ZFC3H1: variants seen among roughly 807,000 people sequenced by gnomAD.
The protein encoded by ZFC3H1 is zinc finger C3H1-type containing.
A neutral mutation model predicts 243.7 loss-of-function variants in ZFC3H1; 71 were observed. The ratio of observed to expected loss-of-function variants is 0.29; its 90% CI spans 0.24 to 0.36. The LOEUF (loss-of-function observed/expected upper bound fraction) is 0.36. ZFC3H1 is among the 10% of genes least tolerant of loss of function. ZFC3H1 has a pLI of 1.00. For synonymous variants in ZFC3H1, 838 were observed against 813.0 expected, an observed-to-expected ratio of 1.03 and a Z score of -0.52; for missense variants, 1,966 against 2,317.1, an observed-to-expected ratio of 0.85 and a Z score of 3.11.
At position 71,663,662 on chromosome 12, in the gene ZFC3H1, C is replaced by T; in HGVS notation, c.-52G>A. The T allele has an allele frequency of 6.4e-7, 1 of 1,557,882 alleles. No individual in the cohort carries two copies. The highest frequency in any genetic ancestry group is 8.7e-7 in the Non-Finnish European group (1 of 1,151,698). On this transcript the variant is annotated 5_prime_UTR_variant, in exon 1 of 35. Transcript: ENST00000378743. Reference sequence around the variant, plus strand: ...CTTAGCCCTCCGTCCGGGGATCCGCCCGACAATTGCCTCGTTTCCCTTCTT... The same window carrying T: ...CTTAGCCCTCCGTCCGGGGATCCGCTCGACAATTGCCTCGTTTCCCTTCTT...
At chr12:71,614,772 C>G in intron 29 of ZFC3H1, 62 bp downstream of exon 29, 1 of 1,594,370 alleles carries the variant, frequency 6.3e-7, no homozygotes, top group Non-Finnish European at 8.6e-7. Flanking sequence ...GCTGGTCACC[C>G]CTTTCCCGAT....
At position 71,635,435 on chromosome 12, in the gene ZFC3H1, G is replaced by T; in HGVS notation, c.2238+8C>A. On this transcript the variant is annotated splice_region_variant and intron_variant, in intron 10 of 34. Transcript: ENST00000378743. ...ATCTTTCTTTCCACCTTTAATTATT[G>T]CACTTACCTCAGCAGTTCGTCTTGC... 6.4e-7 allele frequency: 1 copy of T among 1,562,936 alleles called. No homozygotes were observed.
At chr12:71,629,206 G>C (rs1380860305) in intron 19 of ZFC3H1, among the ~76,000 whole-genome samples, 169 bp from the exon 20 acceptor site, 1 of 150,524 alleles carries the variant, frequency 6.6e-6, no homozygotes, top group African/African-American at 2.4e-5. Flanking sequence ...ACCCAGGCTG[G>C]AGTGCAGTGA....
At chr12:71,630,487 G>C (rs1592591347) in intron 18 of ZFC3H1, 113 bp downstream of exon 18, 1 of 1,345,634 alleles carries the variant, frequency 7.4e-7, no homozygotes, top group Non-Finnish European at 1.0e-6. Context: ...AAGTATTATG[G>C]GTAAATACAC....
At position 71,610,735 on chromosome 12, in the gene ZFC3H1, G is replaced by C. The variant is rs199727681; in HGVS notation, c.5792C>G (p.Ala1931Gly). The change falls in exon 34 of 35, where the codon GCC becomes GGC. Residue 1931 changes from alanine to glycine, a missense_variant. Ala to Gly is a moderately conservative substitution (Grantham distance 60). Around this residue, in one of 4 missense-constraint regions of ZFC3H1, gnomAD observed 1,383 missense variants for 1,723.7 expected, o/e 0.80. Coordinates refer to ENST00000378743, the MANE Select transcript of ZFC3H1 (RefSeq NM_144982.5). ...TGCACAAAGAGGTAACTTCTGTAAG[G>C]CTCTCTGATATAAACGGTGGACCTG... ...QREVHRLYQR[A>G]LQKLPLCASL... 5 of 1,612,986 alleles carry C rather than the reference G, an allele frequency of 3.1e-6. No homozygotes were observed. The highest frequency in any genetic ancestry group is 1.3e-5 in the African/African-American group (1 of 74,840).
rs747756070 is a variant in ZFC3H1 at position 71,657,025 on chromosome 12, T to C, written c.875A>G (p.Gln292Arg). The C allele has an allele frequency of 7.6e-5, 123 of 1,613,942 alleles. No homozygotes were observed. Among genetic ancestry groups the C allele is most frequent in the Non-Finnish European group, 9.9e-5 (117 of 1,179,946 alleles). ...SKEVAPEEKT[Q>R]VKTFQAFELK... is the part of the protein sequence containing the mutation. ...TTCAAATGCCTGAAAAGTTTTGACT[T>C]GTGTTTTCTCCTCAGGAGCTACTTC... Residue 292 changes from glutamine to arginine, a missense_variant, in exon 2 of 35, where the codon CAA becomes CGA. Physicochemically the swap from Gln to Arg is conservative, Grantham distance 43 (BLOSUM62 1). Coordinates refer to ENST00000378743, the MANE Select transcript of ZFC3H1 (RefSeq NM_144982.5).
At chr12:71,638,982 A>C (rs1387980028) in intron 6 of ZFC3H1, among the ~76,000 whole-genome samples, 2 of 152,200 alleles carry the variant, frequency 1.3e-5, no homozygotes, top group Non-Finnish European at 2.9e-5. Flanking sequence ...TGGACCATAT[A>C]AGCTGTGTTG....
intron 12 of ZFC3H1, 83 bp from the exon 13 acceptor site, chr12:71,633,521 C>T (rs1442832705): frequency 1.7e-6 from 2 of 1,163,260 alleles, no homozygotes; most frequent in South Asian, 1.5e-5. Context: ...AAAGTAATAA[C>T]ACAATTTTTA....
intron 26 of ZFC3H1, 55 bp from the exon 27 acceptor site, chr12:71,619,464 A>T: frequency 6.5e-7 from 1 of 1,534,590 alleles, no homozygotes; most frequent in Non-Finnish European, 8.9e-7. Flanking sequence ...TTTAATTAAA[A>T]TGTCACGAGG....
At chr12:71,620,387 A>C (rs890957934) in intron 24 of ZFC3H1, 72 bp from the exon 25 acceptor site, 33 of 1,462,738 alleles carry the variant, frequency 2.3e-5, no homozygotes, top group Non-Finnish European at 3.1e-5. Context: ...TGTTACTTCA[A>C]CTCTGAGAGA....
chr12:71,637,908 G>A (rs1565818273), intron 7 of ZFC3H1, among the ~76,000 whole-genome samples: 1 of 151,558 alleles, frequency 6.6e-6, no homozygotes, highest in Non-Finnish European at 1.5e-5. Context: ...TCCTTTTATT[G>A]TTTTTATTTT....
At position 71,661,484 on chromosome 12, in the gene ZFC3H1, CTTT is replaced by C. The variant is rs10658535; in HGVS notation, c.598+1526_598+1528del. On this transcript the variant is annotated intron_variant, in intron 1 of 34. Coordinates refer to ENST00000378743, the MANE Select transcript of ZFC3H1 (RefSeq NM_144982.5). ...AAAGTTAAATATCTATATAATTTTC[CTTT>C]TTTTTTTTTTTTTGAAACGGAGTCT... Among the ~76,000 whole-genome samples the C allele has an allele frequency of 2.1e-4, 27 of 130,826 alleles. No individual in the cohort carries two copies. In the East Asian group the frequency reaches 4.2e-3, roughly 20 times the overall value. 85.8% of individuals were successfully genotyped at this position (130,826 alleles called of 152,430 possible).
chr12:71,635,160 C>T (rs1010554270), intron 10 of ZFC3H1, among the ~76,000 whole-genome samples: 4 of 152,118 alleles, frequency 2.6e-5, no homozygotes, highest in African/African-American at 7.2e-5. Context: ...TCTAAAACAA[C>T]AGTCTCCTTA....
intron 21 of ZFC3H1, 97 bp downstream of exon 21, chr12:71,627,654 T>C (rs1324922204): frequency 4.2e-6 from 5 of 1,193,190 alleles, no homozygotes; most frequent in African/African-American, 3.1e-5. Context: ...CCATTGATAC[T>C]AGGAAAGAAA....
chr12:71,631,644 C>A, intron 16 of ZFC3H1, 134 bp downstream of exon 16: 1 of 734,856 alleles, frequency 1.4e-6, no homozygotes, highest in Non-Finnish European at 2.1e-6. Context: ...TTTTTATGTT[C>A]CTTAAAAGGG....
intron 1 of ZFC3H1, among the ~76,000 whole-genome samples, chr12:71,661,451 G>A (rs1169077921): frequency 6.6e-6 from 1 of 150,740 alleles, no homozygotes; most frequent in East Asian, 1.9e-4. Context: ...CCATTTGCTG[G>A]CTTTTAAAAA....
chr12:71,612,948 T>C (rs1213264767), intron 31 of ZFC3H1, among the ~76,000 whole-genome samples: 2 of 152,218 alleles, frequency 1.3e-5, no homozygotes, highest in African/African-American at 2.4e-5. Flanking sequence ...GAGATTCTAA[T>C]GTTTGCCAAT....
At chr12:71,622,643 A>G (rs1880061096) in intron 24 of ZFC3H1, among the ~76,000 whole-genome samples, 1 of 152,046 alleles carries the variant, frequency 6.6e-6, no homozygotes, top group South Asian at 2.1e-4. Flanking sequence ...TTGTATTTTT[A>G]GTAGAGATAG....
In ZFC3H1 at chr12:71,614,697, A is replaced by G. The variant is rs747200931; in HGVS notation, c.5364T>C (p.Tyr1788=). 1.1e-5 allele frequency: 17 copies of G among 1,600,050 alleles called. No homozygotes were observed. The Admixed American group carries it at 1.2e-4, about 12-fold the overall frequency. ...CDIVQKIWMD[Y]LVFANNRAAG... ...CAGCTCTATTATTTGCAAAGACAAG[A>G]TAACTGCCAAAAGAAAAATATTATA... Residue 1788 remains tyrosine (Y), a synonymous_variant, in exon 30 of 35, where the codon TAT becomes TAC. Coordinates refer to ENST00000378743, the MANE Select transcript of ZFC3H1 (RefSeq NM_144982.5).
Sources: allele counts gnomAD v4.1 joint callset (sites outside exome capture counted in the v4.1 genomes callset), GRCh38; gene constraint gnomAD v4.1.1; regional missense constraint gnomAD v4.1.1; transcripts MANE v1.5; gene names NCBI Gene and HGNC (gene_info 2026-07-23, HGNC 2026-07-21).